Variants in EIF2B3 observed in about 807,000 individuals in gnomAD.
EIF2B3 encodes the protein eukaryotic translation initiation factor 2B subunit gamma, also known as translation initiation factor eIF2B subunit gamma.
Under a neutral mutation model 54.1 loss-of-function variants are expected in EIF2B3, and 20 were observed. That is an observed-to-expected ratio of 0.37 (90% CI 0.26 to 0.54). EIF2B3 has a LOEUF of 0.54. EIF2B3 is among the 20% of genes least tolerant of loss of function. EIF2B3 has a pLI of 0.86. For missense variants in EIF2B3, 448 were observed against 547.8 expected (o/e 0.82, Z 1.82); for synonymous variants, 153 against 188.1 (o/e 0.81, Z 1.52).
At chr1:44,962,947 C>T (rs1450868526) in intron 3 of EIF2B3, among the ~76,000 whole-genome samples, 1 of 152,062 alleles carries the variant, frequency 6.6e-6, no homozygotes, top group African/African-American at 2.4e-5. Flanking sequence ...CTTAAAAGAC[C>T]AGACAGCTGG....
chr1:44,903,302 TAAC>T (rs945990882), intron 5 of EIF2B3, among the ~76,000 whole-genome samples: 1 of 152,188 alleles, frequency 6.6e-6, no homozygotes, highest in Non-Finnish European at 1.5e-5. Flanking sequence ...GGTCTTTAGT[TAAC>T]AACAAGATCT....
intron 11 of EIF2B3, among the ~76,000 whole-genome samples, chr1:44,852,779 C>CAAAAA (rs35073051): frequency 1.8e-5 from 2 of 111,932 alleles, no homozygotes; most frequent in African/African-American, 6.1e-5. Flanking sequence ...AACTCTGTCT[C>CAAAAA]AAAAAAAAAA....
rs563059806 is a variant in EIF2B3, at chr1:44,978,604, C to CATTCCCCCAAT, written c.149-155_149-145dup. 327 of 585,006 alleles carry CATTCCCCCAAT rather than the reference C, an allele frequency of 5.6e-4. 1 individual carries two copies. In the African/African-American group the frequency reaches 6.8e-3, roughly 12 times the overall value. 36.2% of individuals were successfully genotyped at this position (585,006 alleles called of 1,614,324 possible). A position where few individuals can be genotyped will look rare whatever the true frequency, so the allele number is the denominator to read the frequency against. On this transcript the variant is annotated intron_variant, in intron 2 of 11. Transcript: ENST00000360403. ...GTGCCTTTTCAATATATTTTACCTGCATTCCCCCAATAAATTCTTTTTTTT... is the reference window on the plus strand; with the variant it reads ...GTGCCTTTTCAATATATTTTACCTGCATTCCCCCAATATTCCCCCAATAAATTCTTTTTTTT...
intron 3 of EIF2B3, among the ~76,000 whole-genome samples, chr1:44,957,559 G>C (rs1016169075): frequency 6.6e-6 from 1 of 151,974 alleles, no homozygotes; most frequent in African/African-American, 2.4e-5. Flanking sequence ...TCAGGAGTTC[G>C]AGACCAGCCT....
intron 3 of EIF2B3, among the ~76,000 whole-genome samples, chr1:44,963,658 T>C (rs553132538): frequency 6.6e-6 from 1 of 152,288 alleles, no homozygotes; most frequent in South Asian, 2.1e-4. Flanking sequence ...CTGGTCATGG[T>C]GACAGAATGC....
intron 11 of EIF2B3, among the ~76,000 whole-genome samples, chr1:44,853,994 G>GTTTTTTTTTTTTTTTT (rs113200962): frequency 7.3e-6 from 1 of 137,474 alleles, no homozygotes. Context: ...AGCAGTTAGT[G>GTTTTTTTTTTTTTTTT]TTTTTTTTTT....
At chr1:44,903,895 A>C (rs1427229703) in intron 5 of EIF2B3, among the ~76,000 whole-genome samples, 1 of 152,066 alleles carries the variant, frequency 6.6e-6, no homozygotes, top group South Asian at 2.1e-4. Flanking sequence ...CCAACATGGC[A>C]AAACCCCATC....
At chr1:44,864,011 C>G (rs1297411890) in intron 10 of EIF2B3, among the ~76,000 whole-genome samples, 1 of 152,132 alleles carries the variant, frequency 6.6e-6, no homozygotes, top group Non-Finnish European at 1.5e-5. Flanking sequence ...GTATGCCCCC[C>G]TTCACTATAT....
intron 5 of EIF2B3, among the ~76,000 whole-genome samples, chr1:44,902,926 A>C (rs1305934720): frequency 1.3e-5 from 2 of 151,644 alleles, no homozygotes; most frequent in East Asian, 3.9e-4. Context: ...TTCAAGAACC[A>C]AGCTGTACCC....
chr1:44,955,375 TA>T (rs1644211471), intron 3 of EIF2B3, among the ~76,000 whole-genome samples: 1 of 152,090 alleles, frequency 6.6e-6, no homozygotes. Flanking sequence ...CGAGATGGAT[TA>T]AAGACTTAAA....
intron 8 of EIF2B3, among the ~76,000 whole-genome samples, chr1:44,878,757 C>CT (rs113400214): frequency 0.012 from 1,740 of 143,672 alleles, 11 homozygotes; most frequent in Non-Finnish European, 0.018. Flanking sequence ...TTCCTATCCT[C>CT]TTTTTTTTTT....
At chr1:44,976,916 C>A (rs983133032) in intron 3 of EIF2B3, among the ~76,000 whole-genome samples, 1 of 152,112 alleles carries the variant, frequency 6.6e-6, no homozygotes, top group African/African-American at 2.4e-5. Flanking sequence ...CACAAAGGAA[C>A]TTTCAGGGGT....
At chr1:44,975,825 C>T (rs1177742668) in intron 3 of EIF2B3, among the ~76,000 whole-genome samples, 1 of 151,966 alleles carries the variant, frequency 6.6e-6, no homozygotes, top group Non-Finnish European at 1.5e-5. Flanking sequence ...AAAAATTAGC[C>T]AGGTGTGGTG....
At chr1:44,877,197 A>AC (rs1368150258) in intron 8 of EIF2B3, among the ~76,000 whole-genome samples, 55 of 142,202 alleles carry the variant, frequency 3.9e-4, no homozygotes, top group Admixed American at 1.7e-3. Context: ...ATCAATAAAA[A>AC]AAAAAAAAAA....
At chr1:44,882,757 G>A (rs1243284118) in intron 6 of EIF2B3, among the ~76,000 whole-genome samples, 2 of 151,896 alleles carry the variant, frequency 1.3e-5, no homozygotes, top group Non-Finnish European at 2.9e-5. Flanking sequence ...TGGGACTACA[G>A]GCACATGCCA....
chr1:44,983,749 C>T (rs770179515), intron 1 of EIF2B3, among the ~76,000 whole-genome samples: 3 of 151,986 alleles, frequency 2.0e-5, no homozygotes, highest in Admixed American at 1.3e-4. Context: ...TTCTTGTTCC[C>T]CAGGTTGAGT....
chr1:44,927,186 G>A (rs1238391018), intron 4 of EIF2B3, among the ~76,000 whole-genome samples: 2 of 151,868 alleles, frequency 1.3e-5, no homozygotes, highest in Admixed American at 6.6e-5. Flanking sequence ...TAATAAGTGC[G>A]TTAGGCCATT....
chr1:44,942,399 A>G (rs1179841761), intron 3 of EIF2B3, among the ~76,000 whole-genome samples: 3 of 15,926 alleles, frequency 1.9e-4, no homozygotes, highest in African/African-American at 1.2e-3. Context: ...ATATATATAT[A>G]TATATATATA....
At chr1:44,982,090 TTCC>T (rs1274457900) in intron 1 of EIF2B3, among the ~76,000 whole-genome samples, 1 of 152,130 alleles carries the variant, frequency 6.6e-6, no homozygotes, top group Non-Finnish European at 1.5e-5. Context: ...GCTCATCTTA[TTCC>T]TCCAATTTTT....
Sources: allele counts gnomAD v4.1 joint callset (sites outside exome capture counted in the v4.1 genomes callset), GRCh38; gene constraint gnomAD v4.1.1; transcripts MANE v1.5; gene names NCBI Gene and HGNC (gene_info 2026-07-23, HGNC 2026-07-21).